The following DYSF variants were observed in gnomAD, a reference collection of about 807,000 sequenced individuals.
DYSF encodes the protein dysferlin, also known as dystrophy-associated fer-1-like 1.
Under a neutral mutation model 274.9 loss-of-function variants are expected in DYSF, and 212 were observed. The ratio of observed to expected loss-of-function variants is 0.77; its 90% CI spans 0.69 to 0.86. The LOEUF is 0.86. Among genes scored for constraint, DYSF ranks in the 40% least tolerant of loss-of-function variants. DYSF has a pLI of 0.00. For missense variants in DYSF, 2,666 were observed against 2,783.2 expected (o/e 0.96, Z 0.95); for synonymous variants, 1,091 against 1,078.7 (o/e 1.01, Z -0.22).
chr2:71,649,904 A>C (rs2094626584), intron 42 of DYSF, among the ~76,000 whole-genome samples: 1 of 152,242 alleles, frequency 6.6e-6, no homozygotes, highest in African/African-American at 2.4e-5. Flanking sequence ...AATGTGTGCC[A>C]GGCAAATGCA....
intron 24 of DYSF, among the ~76,000 whole-genome samples, chr2:71,565,335 C>A (rs2092025743): frequency 6.6e-6 from 1 of 151,570 alleles, no homozygotes; most frequent in South Asian, 2.1e-4. Context: ...AGGTGATCCG[C>A]CTGCCTTGGC....
intron 29 of DYSF, among the ~76,000 whole-genome samples, chr2:71,573,176 C>A (rs538657401): frequency 9.2e-4 from 140 of 152,336 alleles, no homozygotes; most frequent in African/African-American, 3.1e-3. Context: ...GGGCAGAGAA[C>A]CTAGAGAGGA....
At chr2:71,622,637 A>T (rs942433352) in intron 41 of DYSF, among the ~76,000 whole-genome samples, 1 of 152,076 alleles carries the variant, frequency 6.6e-6, no homozygotes, top group Admixed American at 6.5e-5. Context: ...TGTTTTTGAG[A>T]TGGAGTCTTG....
At chr2:71,528,439 G>A (rs1559085069) in intron 14 of DYSF, 38 bp downstream of exon 14, 1 of 1,552,754 alleles carries the variant, frequency 6.4e-7, no homozygotes, top group African/African-American at 1.4e-5. Context: ...TCTCGGGAGG[G>A]GACTTTCTGG....
chr2:71,473,600 G>A (rs1408990146), intron 1 of DYSF, among the ~76,000 whole-genome samples: 1 of 152,088 alleles, frequency 6.6e-6, no homozygotes. Context: ...AGGGACATCC[G>A]AGACTGGGAG....
chr2:71,592,548 C>T (rs959745502), intron 32 of DYSF, among the ~76,000 whole-genome samples: 9 of 152,226 alleles, frequency 5.9e-5, no homozygotes, highest in African/African-American at 1.4e-4. Flanking sequence ...GGGCGGCTGG[C>T]GGCCGGAGGC....
chr2:71,514,147 T>TAAA (rs5832057), intron 7 of DYSF, among the ~76,000 whole-genome samples: 25 of 125,138 alleles, frequency 2.0e-4, no homozygotes, highest in African/African-American at 4.3e-4. Context: ...GTTTTGCGCT[T>TAAA]AAAAAAAAAA....
intron 21 of DYSF, among the ~76,000 whole-genome samples, chr2:71,555,359 C>T (rs746977236): frequency 1.1e-4 from 16 of 151,856 alleles, no homozygotes; most frequent in Middle Eastern, 6.8e-3. Flanking sequence ...AGGGGTGTGT[C>T]GGGGGCTGAG....
chr2:71,653,285 T>C (rs541955085), intron 42 of DYSF, among the ~76,000 whole-genome samples: 1 of 152,258 alleles, frequency 6.6e-6, no homozygotes, highest in South Asian at 2.1e-4. Flanking sequence ...AGAAATACCA[T>C]TTGACCCAGC....
chr2:71,610,930 G>A (rs2093744315), intron 36 of DYSF: 2 of 423,496 alleles, frequency 4.7e-6, no homozygotes, highest in Admixed American at 3.5e-5. Flanking sequence ...GCGTATCAGG[G>A]AGGGGCAGAC....
chr2:71,514,816 C>T (rs144348095), intron 7 of DYSF, among the ~76,000 whole-genome samples: 78 of 152,176 alleles, frequency 5.1e-4, no homozygotes, highest in Non-Finnish European at 9.6e-4. Context: ...ACTACTATTC[C>T]CCAAACATGT....
At chr2:71,611,418 T>G in intron 37 of DYSF, 47 bp from the exon 38 acceptor site, 4 of 1,614,040 alleles carry the variant, frequency 2.5e-6, no homozygotes, top group Non-Finnish European at 3.4e-6. Context: ...CAGCCTTTCC[T>G]GGGGCCCGGG....
At chr2:71,486,420 A>T (rs1245483454) in intron 3 of DYSF, among the ~76,000 whole-genome samples, 1 of 149,538 alleles carries the variant, frequency 6.7e-6, no homozygotes, top group Non-Finnish European at 1.5e-5. Context: ...CCCTCCTTTT[A>T]TTCTTTCTCT....
rs114986640 is a variant in DYSF at position 71,481,936 on chromosome 2, G to A, written c.205G>A (p.Val69Met). Residue 69 changes from valine (V) to methionine (M), a missense_variant, in exon 3 of 56, where the codon GTG (valine) becomes ATG (methionine). Coordinates refer to ENST00000410020, the MANE Select transcript of DYSF (RefSeq NM_001130987.2). ...GGACCAGGGCTCTGAGCTTCATGTG[G>A]TGGTCAAAGACCATGAGACGATGGG... ...PLDQGSELHVVVKDHETMGRN... is the reference protein window; with the variant it reads ...PLDQGSELHVMVKDHETMGRN... 15 of 1,614,084 alleles carry A rather than the reference G, an allele frequency of 9.3e-6. No individual in the cohort carries two copies. The highest frequency in any genetic ancestry group is 1.3e-5 in the Non-Finnish European group (15 of 1,180,048).
intron 3 of DYSF, among the ~76,000 whole-genome samples, chr2:71,490,381 C>T (rs1005610952): frequency 2.0e-5 from 3 of 152,156 alleles, no homozygotes; most frequent in Non-Finnish European, 2.9e-5. Context: ...CTCTCGTTGC[C>T]CAGGCTGGAG....
Position 71,686,444 on chromosome 2 carries a change from C to G in DYSF, c.6322-10C>G, listed in dbSNP as rs755660226. 1.7e-5 allele frequency: 28 copies of G among 1,613,992 alleles called. No homozygotes were observed. The East Asian group carries it at 6.0e-4, about 35-fold the overall frequency. On this transcript the variant is annotated splice_polypyrimidine_tract_variant and intron_variant, in intron 55 of 55. Transcript: ENST00000410020. Reference sequence around the variant, plus strand: ...ATCACCATGGGTCCCTGTCTCCTCCCTCCCTCCAGAACTATGCTGCCATGA... The same window carrying G: ...ATCACCATGGGTCCCTGTCTCCTCCGTCCCTCCAGAACTATGCTGCCATGA...
chr2:71,526,070 C>T, intron 12 of DYSF, 150 bp from the exon 13 acceptor site: 1 of 1,381,672 alleles, frequency 7.2e-7, no homozygotes, highest in Non-Finnish European at 1.0e-6. Context: ...AAGGACCTTG[C>T]CCGAGACCAC....
intron 40 of DYSF, among the ~76,000 whole-genome samples, chr2:71,619,869 C>T (rs1303654518): frequency 1.3e-5 from 2 of 152,200 alleles, no homozygotes; most frequent in Non-Finnish European, 2.9e-5. Flanking sequence ...AGGCCCTCCT[C>T]AGGCTGCAGC....
At chr2:71,505,441 G>A (rs2085383760) in intron 4 of DYSF, among the ~76,000 whole-genome samples, 1 of 152,238 alleles carries the variant, frequency 6.6e-6, no homozygotes, top group Non-Finnish European at 1.5e-5. Flanking sequence ...CTGCTGATGG[G>A]GTGATACGAG....
Sources: gnomAD v4.1 joint callset for allele counts (sites outside exome capture counted in the v4.1 genomes callset) on GRCh38, gnomAD v4.1.1 for gene constraint, MANE v1.5 for transcripts, NCBI Gene and HGNC (gene_info 2026-07-23, HGNC 2026-07-21) for gene names.